The following PALM2AKAP2 variants were observed in gnomAD, a reference collection of about 807,000 sequenced individuals.
PALM2AKAP2 encodes PALM2 and AKAP2 fusion.
A neutral mutation model predicts 71.5 loss-of-function variants in PALM2AKAP2; 37 were observed. The ratio of observed to expected loss-of-function variants is 0.52; its 90% CI spans 0.40 to 0.68. The LOEUF (loss-of-function observed/expected upper bound fraction) is 0.68, where lower values mean the gene tolerates loss of function less well. Ranked by LOEUF, PALM2AKAP2 falls within the 30% of genes least tolerant of loss-of-function variation. The pLI, the probability that PALM2AKAP2 is intolerant of heterozygous loss-of-function variation, is 0.00. For missense variants in PALM2AKAP2, 1,224 were observed against 1,191.8 expected (o/e 1.03, Z -0.40); for synonymous variants, 468 against 478.8 (o/e 0.98, Z 0.29).
intron 3 of PALM2AKAP2, among the ~76,000 whole-genome samples, chr9:109,916,229 A>G (rs562036495): frequency 6.6e-6 from 1 of 152,296 alleles, no homozygotes; most frequent in East Asian, 1.9e-4. Flanking sequence ...GTAAGTAAGA[A>G]GGGCAAAGGA....
At chr9:110,027,799 G>A (rs1040105673) in intron 7 of PALM2AKAP2, among the ~76,000 whole-genome samples, 6 of 152,190 alleles carry the variant, frequency 3.9e-5, no homozygotes, top group Non-Finnish European at 1.5e-5. Flanking sequence ...AGCTTTCTTT[G>A]GCCTTTGCTT....
intron 1 of PALM2AKAP2, among the ~76,000 whole-genome samples, chr9:109,670,277 A>G (rs565998433): frequency 5.9e-5 from 9 of 152,186 alleles, no homozygotes; most frequent in East Asian, 1.9e-4. Flanking sequence ...CTTACCCTCT[A>G]CTATCCAATA....
chr9:110,074,656 C>T (rs1834280551), intron 1 of PALM2AKAP2, among the ~76,000 whole-genome samples: 1 of 152,174 alleles, frequency 6.6e-6, no homozygotes, highest in African/African-American at 2.4e-5. Context: ...CACACACGCA[C>T]ATACACATAC....
chr9:109,816,697 G>A (rs1027139104), intron 1 of PALM2AKAP2, among the ~76,000 whole-genome samples: 2 of 152,184 alleles, frequency 1.3e-5, no homozygotes, highest in African/African-American at 4.8e-5. Context: ...GCTCCTGTGA[G>A]CCAAGGAATG....
intron 3 of PALM2AKAP2, among the ~76,000 whole-genome samples, chr9:109,916,783 T>C (rs543439917): frequency 6.6e-6 from 1 of 152,318 alleles, no homozygotes; most frequent in African/African-American, 2.4e-5. Flanking sequence ...GTGTACTCTT[T>C]CCATCGTGCC....
intron 3 of PALM2AKAP2, among the ~76,000 whole-genome samples, chr9:109,895,756 A>G (rs1421240319): frequency 1.3e-5 from 2 of 152,218 alleles, no homozygotes; most frequent in African/African-American, 2.4e-5. Context: ...GAGACTGGGT[A>G]ATTTATAATG....
intron 2 of PALM2AKAP2, among the ~76,000 whole-genome samples, chr9:109,874,613 C>A (rs1748109255): frequency 1.3e-5 from 2 of 152,210 alleles, no homozygotes; most frequent in Non-Finnish European, 2.9e-5. Flanking sequence ...TTGAGAATCC[C>A]AGTCTTCCAT....
At chr9:109,768,404 T>G (rs2118758217) in intron 1 of PALM2AKAP2, among the ~76,000 whole-genome samples, 1 of 152,330 alleles carries the variant, frequency 6.6e-6, no homozygotes. Flanking sequence ...TGTACATATG[T>G]ATGGGATTTA....
intron 1 of PALM2AKAP2, among the ~76,000 whole-genome samples, chr9:109,686,490 AG>A (rs2118532534): frequency 6.6e-6 from 1 of 152,330 alleles, no homozygotes; most frequent in East Asian, 1.9e-4. Context: ...TGCATTGTCA[AG>A]GAACAGTAAT....
chr9:110,047,623 G>C (rs1833624468), upstream of PALM2AKAP2, among the ~76,000 whole-genome samples: 1 of 152,192 alleles, frequency 6.6e-6, no homozygotes, highest in Non-Finnish European at 1.5e-5. Context: ...TTGCAAAGCT[G>C]GGGAGAGAGA....
intron 1 of PALM2AKAP2, among the ~76,000 whole-genome samples, chr9:109,822,697 G>A (rs1828041778): frequency 6.6e-6 from 1 of 152,138 alleles, no homozygotes; most frequent in Admixed American, 6.5e-5. Flanking sequence ...TGCTGCAAAG[G>A]ACATGATCTC....
intron 1 of PALM2AKAP2, among the ~76,000 whole-genome samples, chr9:109,685,372 A>G (rs1827793221): frequency 6.6e-6 from 1 of 152,210 alleles, no homozygotes; most frequent in South Asian, 2.1e-4. Flanking sequence ...ACACAGTTAT[A>G]TGTCAGAGAT....
At chr9:110,122,260 C>T (rs538801816) in intron 1 of PALM2AKAP2, among the ~76,000 whole-genome samples, 1 of 152,256 alleles carries the variant, frequency 6.6e-6, no homozygotes, top group African/African-American at 2.4e-5. Context: ...ACTCCTGGAC[C>T]CAAGTGATCG....
At chr9:110,062,749 C>A (rs1344021662) in intron 1 of PALM2AKAP2, among the ~76,000 whole-genome samples, 1 of 152,154 alleles carries the variant, frequency 6.6e-6, no homozygotes, top group African/African-American at 2.4e-5. Flanking sequence ...CAACAGAAAT[C>A]TATTTTCTCA....
At chr9:109,931,013 C>T (rs944567895) in intron 5 of PALM2AKAP2, among the ~76,000 whole-genome samples, 15 of 152,296 alleles carry the variant, frequency 9.8e-5, no homozygotes, top group South Asian at 4.1e-4. Flanking sequence ...GACTGATGGA[C>T]GTTCCAGGAT....
intron 3 of PALM2AKAP2, among the ~76,000 whole-genome samples, chr9:110,167,163 C>T (rs915157316): frequency 6.6e-6 from 1 of 152,146 alleles, no homozygotes; most frequent in Non-Finnish European, 1.5e-5. Flanking sequence ...CCTATGAGTC[C>T]CTCCTGCTAC....
intron 1 of PALM2AKAP2, among the ~76,000 whole-genome samples, chr9:109,762,277 A>G (rs1829067576): frequency 6.6e-6 from 1 of 152,006 alleles, no homozygotes; most frequent in African/African-American, 2.4e-5. Context: ...TTCTTTTTAC[A>G]TAATTATGTC....
chr9:109,942,652 A>T, intron 6 of PALM2AKAP2: 1 of 1,516,416 alleles, frequency 6.6e-7, no homozygotes, highest in Admixed American at 2.3e-5. Flanking sequence ...TTTTTGTTGT[A>T]ACATGCACTT....
At chr9:109,729,716 G>T (rs943016371) in intron 1 of PALM2AKAP2, among the ~76,000 whole-genome samples, 1 of 152,184 alleles carries the variant, frequency 6.6e-6, no homozygotes, top group African/African-American at 2.4e-5. Context: ...CTCCCAGAAT[G>T]CAGGATGGTT....
Sources: gnomAD v4.1 joint callset for allele counts (sites outside exome capture counted in the v4.1 genomes callset) on GRCh38, gnomAD v4.1.1 for gene constraint, MANE v1.5 for transcripts, NCBI Gene and HGNC (gene_info 2026-07-23, HGNC 2026-07-21) for gene names.